The following FGD6 variants were observed in gnomAD, a reference collection of about 807,000 sequenced individuals.
FGD6 encodes FYVE, RhoGEF and PH domain containing 6, also known as FYVE, RhoGEF and PH domain-containing protein 6.
A neutral mutation model predicts 149.4 loss-of-function variants in FGD6; 90 were observed. That is an observed-to-expected ratio of 0.60 (90% confidence interval 0.51 to 0.72). The LOEUF (loss-of-function observed/expected upper bound fraction) is 0.72, where lower values mean the gene tolerates loss of function less well. Ranked by LOEUF, FGD6 falls within the 30% of genes least tolerant of loss-of-function variation. FGD6 has a pLI of 0.00. For missense variants in FGD6, 1,437 were observed against 1,684.8 expected (o/e 0.85, Z 2.57); for synonymous variants, 527 against 584.0 (o/e 0.90, Z 1.41).
chr12:95,141,629 TAC>T, intron 5 of FGD6, 90 bp from the exon 6 acceptor site: 1 of 1,421,216 alleles, frequency 7.0e-7, no homozygotes, highest in South Asian at 1.3e-5. Context: ...CCTAAAATGA[TAC>T]AGATTGCACA....
At chr12:95,216,340 T>C (rs980784683) in intron 1 of FGD6, among the ~76,000 whole-genome samples, 3 of 152,214 alleles carry the variant, frequency 2.0e-5, no homozygotes, top group African/African-American at 7.2e-5. Flanking sequence ...TATTTCACTA[T>C]AAAATTTCTA....
intron 8 of FGD6, among the ~76,000 whole-genome samples, chr12:95,118,348 C>CAA (rs758125277): frequency 0.11 from 13,592 of 121,942 alleles, 705 homozygotes; most frequent in Admixed American, 0.16. Context: ...GACTCTGTCT[C>CAA]AAAAAAAAAA....
chr12:95,132,988 TC>T (rs1879567664), intron 8 of FGD6, among the ~76,000 whole-genome samples: 1 of 152,318 alleles, frequency 6.6e-6, no homozygotes, highest in South Asian at 2.1e-4. Flanking sequence ...TATCAGTACT[TC>T]CCTTTGTCCT....
intron 3 of FGD6, among the ~76,000 whole-genome samples, chr12:95,156,172 C>A (rs1880462901): frequency 6.6e-6 from 1 of 152,166 alleles, no homozygotes; most frequent in Non-Finnish European, 1.5e-5. Flanking sequence ...AACAGGGTAA[C>A]AGCAATGTTC....
intron 2 of FGD6, among the ~76,000 whole-genome samples, chr12:95,182,325 C>A (rs1301134541): frequency 6.6e-6 from 1 of 150,708 alleles, no homozygotes; most frequent in Non-Finnish European, 1.5e-5. Flanking sequence ...GCCTCAGGCT[C>A]CAGAGTAGCT....
chr12:95,206,683 G>T (rs2056694254), intron 2 of FGD6, among the ~76,000 whole-genome samples: 1 of 149,292 alleles, frequency 6.7e-6, no homozygotes. Context: ...ACAGAGAGGG[G>T]ACCCTGTCTC....
chr12:95,117,430 TTC>T (rs1471982065), intron 8 of FGD6, among the ~76,000 whole-genome samples: 2 of 146,748 alleles, frequency 1.4e-5, no homozygotes, highest in South Asian at 2.2e-4. Flanking sequence ...CCTTTTTTTT[TTC>T]TTTCTTTTTT....
Position 95,209,468 on chromosome 12 carries a change from AC to A in FGD6, c.1815del (p.Leu606TyrfsTer28). On this transcript the variant is annotated frameshift_variant, in exon 2 of 21. Transcript: ENST00000343958. LOFTEE classifies it high-confidence loss of function. Reference sequence around the variant, plus strand: ...CACTTTTCCACATCCATAGCAGATAACGATTTTGCTCTGGGCTTGGTTAGGG... The same window carrying A: ...CACTTTTCCACATCCATAGCAGATAAGATTTTGCTCTGGGCTTGGTTAGGG... ...STALTKPRAK[S>X]LSAMDVEKCT... The A allele has an allele frequency of 6.2e-7, 1 of 1,612,026 alleles. No individual in the cohort carries two copies. The highest frequency in any genetic ancestry group is 8.5e-7 in the Non-Finnish European group (1 of 1,179,274).
chr12:95,113,290 T>A (rs1411764277), intron 9 of FGD6, among the ~76,000 whole-genome samples: 1 of 146,420 alleles, frequency 6.8e-6, no homozygotes, highest in Non-Finnish European at 1.5e-5. Context: ...TGGAGTGCAG[T>A]GGCGCTATCT....
At chr12:95,165,629 C>T (rs61937921) in intron 3 of FGD6, among the ~76,000 whole-genome samples, 14,200 of 150,890 alleles carry the variant, frequency 0.094, 894 homozygotes, top group African/African-American at 0.17. Context: ...TGAGCCACCG[C>T]GCCCGGCCAA....
chr12:95,149,305 T>TTATATTGCA (rs1880207393), intron 5 of FGD6, among the ~76,000 whole-genome samples: 1 of 96,082 alleles, frequency 1.0e-5, no homozygotes, highest in Non-Finnish European at 1.9e-5. Flanking sequence ...ATATAATATA[T>TTATATTGCA]TATATTATAT....
chr12:95,104,156 A>G lies in FGD6; in HGVS notation c.3497+851T>C, dbSNP rs577775951. On this transcript the variant is annotated intron_variant, in intron 14 of 20. Coordinates refer to ENST00000343958, the MANE Select transcript of FGD6 (RefSeq NM_018351.4). ...CTAGCATACTGTTGCCTCTGCTCTC[A>G]GCCACTTCCTTGCATGGTAAATCAA... Among the ~76,000 whole-genome samples, 5 of 152,334 alleles carry G rather than the reference A, an allele frequency of 3.3e-5. No individual in the cohort carries two copies. The South Asian group carries it at 8.3e-4, about 25-fold the overall frequency.
chr12:95,186,836 G>A (rs565120063), intron 2 of FGD6, among the ~76,000 whole-genome samples: 1 of 152,330 alleles, frequency 6.6e-6, no homozygotes, highest in East Asian at 1.9e-4. Flanking sequence ...CTAAGTAGGT[G>A]AAATTGAGTC....
rs1308552942 is a variant in FGD6, at chr12:95,079,665, C to A, written c.*1855G>T. The A allele has an allele frequency of 6.6e-6, 1 of 152,050 alleles. No homozygotes were observed. The highest frequency in any genetic ancestry group is 6.6e-5 in the Admixed American group (1 of 15,262). 9.4% of individuals were successfully genotyped at this position (152,050 alleles called of 1,614,324 possible). A position where few individuals can be genotyped will look rare whatever the true frequency, so the allele number is the denominator to read the frequency against. On this transcript the variant is annotated 3_prime_UTR_variant, in exon 21 of 21. Transcript: ENST00000343958. ...TGAGCTACAAAGAAATTTTAGTGTA[C>A]CTGCTATGACAGAAAGGGGATGGCA... is the stretch of plus-strand genomic sequence containing the variant.
chr12:95,167,972 CT>C (rs1250024988), intron 3 of FGD6, among the ~76,000 whole-genome samples: 2 of 152,108 alleles, frequency 1.3e-5, no homozygotes, highest in East Asian at 3.8e-4. Flanking sequence ...CAATGTCATC[CT>C]TTTGCAGGTG....
chr12:95,102,443 CAAAAAAAAA>C (rs55926317), intron 14 of FGD6, among the ~76,000 whole-genome samples: 2 of 104,260 alleles, frequency 1.9e-5, no homozygotes, highest in Non-Finnish European at 3.8e-5. Flanking sequence ...GACCCTTTCT[CAAAAAAAAA>C]AAAAAAAAAA....
At chr12:95,134,356 A>G (rs564382268) in intron 8 of FGD6, among the ~76,000 whole-genome samples, 1 of 152,288 alleles carries the variant, frequency 6.6e-6, no homozygotes, top group African/African-American at 2.4e-5. Context: ...ATAATGCTAT[A>G]TAAATATGTG....
chr12:95,191,990 A>C (rs1054449187), intron 2 of FGD6, among the ~76,000 whole-genome samples: 1 of 152,038 alleles, frequency 6.6e-6, no homozygotes, highest in African/African-American at 2.4e-5. Flanking sequence ...CACCTCCCAA[A>C]ATGCTAGGAT....
rs1565896298 is a variant in FGD6, at chr12:95,102,458, A to AC, written c.3497+2548_3497+2549insG. ...GACCCTTTCTCAAAAAAAAAAAAAA[A>AC]AAAAAAAAACACAACAACAATAAAG... On this transcript the variant is annotated intron_variant, in intron 14 of 20. Transcript: ENST00000343958. Among the ~76,000 whole-genome samples, 40 of 149,680 alleles carry AC rather than the reference A, an allele frequency of 2.7e-4. 1 individual carries two copies. Among genetic ancestry groups the AC allele is most frequent in the African/African-American group, 9.8e-4 (39 of 39,706 alleles).
Sources: gnomAD v4.1 joint callset for allele counts (sites outside exome capture counted in the v4.1 genomes callset) on GRCh38, gnomAD v4.1.1 for gene constraint, MANE v1.5 for transcripts, NCBI Gene and HGNC (gene_info 2026-07-23, HGNC 2026-07-21) for gene names.